Variants in PDCL2 observed in about 807,000 individuals in gnomAD.
The protein encoded by PDCL2 is phosducin-like protein 2.
Under a neutral mutation model 30.3 loss-of-function variants are expected in PDCL2, and 23 were observed. That is an observed-to-expected ratio of 0.76 (90% CI 0.55 to 1.08). The LOEUF (loss-of-function observed/expected upper bound fraction) is 1.08, where lower values mean the gene tolerates loss of function less well. Among genes scored for constraint, PDCL2 ranks in the 50% least tolerant of loss-of-function variants. The pLI, the probability that PDCL2 is intolerant of heterozygous loss-of-function variation, is 0.00. For synonymous variants in PDCL2, 68 were observed against 86.2 expected, an observed-to-expected ratio of 0.79 and a Z score of 1.17; for missense variants, 243 against 282.3, an observed-to-expected ratio of 0.86 and a Z score of 1.00.
intron 3 of PDCL2, among the ~76,000 whole-genome samples, chr4:55,577,925 T>C (rs1244756465): frequency 8.5e-5 from 13 of 152,192 alleles, no homozygotes; most frequent in African/African-American, 3.1e-4. Context: ...AACTAGATAT[T>C]TGAATCCTAT....
In PDCL2 at chr4:55,562,280, G is replaced by T. The variant is rs543454195; in HGVS notation, c.571+124C>A. On this transcript the variant is annotated intron_variant, in intron 5 of 5. Transcript: ENST00000295645. The stretch of plus-strand genomic sequence containing the variant: ...TTACTATAGGAAAATTAATCTGGAG[G>T]CATATAAAAAGAGACTAGAAGCAAG... The T allele has an allele frequency of 4.2e-5, 21 of 496,000 alleles. No individual in the cohort carries two copies. The South Asian group carries it at 1.2e-3, about 29-fold the overall frequency. The allele number at this position is 496,000 out of a possible 1,614,324, so 30.7% of individuals were successfully genotyped here. A position where few individuals can be genotyped will look rare whatever the true frequency, so the allele number is the denominator to read the frequency against.
chr4:55,579,802 T>A (rs1732664488), intron 3 of PDCL2, among the ~76,000 whole-genome samples: 1 of 152,034 alleles, frequency 6.6e-6, no homozygotes, highest in African/African-American at 2.4e-5. Context: ...AAGTCTGAGA[T>A]TACAGGCATG....
intron 1 of PDCL2, among the ~76,000 whole-genome samples, chr4:55,587,912 T>C (rs1732903962): frequency 6.9e-6 from 1 of 145,180 alleles, no homozygotes; most frequent in Non-Finnish European, 1.5e-5. Context: ...GTTTTAAATT[T>C]GGTAAAGTAC....
At chr4:55,591,576 G>A (rs577489507) in intron 1 of PDCL2, among the ~76,000 whole-genome samples, 1 of 152,246 alleles carries the variant, frequency 6.6e-6, no homozygotes, top group East Asian at 1.9e-4. Context: ...TAGTAGAGAT[G>A]GGGTTTCACC....
chr4:55,581,426 A>G (rs1732710332), intron 2 of PDCL2, among the ~76,000 whole-genome samples: 1 of 152,194 alleles, frequency 6.6e-6, no homozygotes, highest in Admixed American at 6.5e-5. Context: ...GACAGGCTAC[A>G]TTTAAAACTA....
At chr4:55,590,176 G>A (rs554761127) in intron 1 of PDCL2, among the ~76,000 whole-genome samples, 41 of 105,132 alleles carry the variant, frequency 3.9e-4, no homozygotes, top group African/African-American at 1.5e-3. Context: ...CAGCCTGGAT[G>A]ACAGAGCTAG....
In PDCL2 at chr4:55,582,210, C is replaced by A. The variant is rs748175663; in HGVS notation, c.34G>T (p.Asp12Tyr). ...QDPNEDTEWN[D>Y]ILRDFGILPP... The stretch of plus-strand genomic sequence containing the variant: ...AGAATGCCGAAATCTCTTAAAATGT[C>A]ATTCCATTCTGTATCTTCATTGGGA... Residue 12 changes from aspartate to tyrosine, a missense_variant, in exon 2 of 6, where the codon GAC becomes TAC. Physicochemically the swap from Asp to Tyr is radical, Grantham distance 160. Transcript: ENST00000295645. 6.2e-7 allele frequency: 1 copy of A among 1,610,544 alleles called. No individual in the cohort carries two copies. The highest frequency in any genetic ancestry group is 2.2e-5 in the East Asian group (1 of 44,828).
chr4:55,560,763 G>C (rs1441192789), intron 5 of PDCL2, among the ~76,000 whole-genome samples: 1 of 152,142 alleles, frequency 6.6e-6, no homozygotes, highest in African/African-American at 2.4e-5. Context: ...GGGACTTTGG[G>C]AGTGGTTAGA....
intron 1 of PDCL2, among the ~76,000 whole-genome samples, chr4:55,587,628 G>A (rs758153350): frequency 3.3e-5 from 5 of 150,672 alleles, no homozygotes; most frequent in Non-Finnish European, 7.4e-5. Context: ...GAGCAATCTC[G>A]GCTCACTGAG....
chr4:55,561,461 G>A (rs1235786738), intron 5 of PDCL2, among the ~76,000 whole-genome samples: 1 of 152,128 alleles, frequency 6.6e-6, no homozygotes, highest in Non-Finnish European at 1.5e-5. Flanking sequence ...TACTCGGGAG[G>A]CTGAGGCAGG....
intron 3 of PDCL2, among the ~76,000 whole-genome samples, chr4:55,578,056 T>G (rs189655992): frequency 9.9e-4 from 151 of 152,352 alleles, no homozygotes; most frequent in African/African-American, 3.4e-3. Flanking sequence ...CTTTAAGGTC[T>G]TCTCAGGTAT....
At chr4:55,572,769 T>C (rs1040516974) in intron 3 of PDCL2, among the ~76,000 whole-genome samples, 2 of 152,180 alleles carry the variant, frequency 1.3e-5, no homozygotes, top group Non-Finnish European at 2.9e-5. Context: ...TCTTCTTCTT[T>C]TTTTTCTTTG....
chr4:55,581,950 G>A (rs757663445), intron 2 of PDCL2, among the ~76,000 whole-genome samples, 167 bp downstream of exon 2: 5 of 152,160 alleles, frequency 3.3e-5, no homozygotes, highest in African/African-American at 1.2e-4. Context: ...CTCGTGATCC[G>A]CTGGCCTCAG....
intron 3 of PDCL2, among the ~76,000 whole-genome samples, chr4:55,575,836 A>C (rs1577913120): frequency 6.6e-6 from 1 of 152,244 alleles, no homozygotes; most frequent in Non-Finnish European, 1.5e-5. Flanking sequence ...ACTATGCTTC[A>C]AGAATGAGGG....
intron 3 of PDCL2, among the ~76,000 whole-genome samples, chr4:55,573,089 T>G (rs541624911): frequency 6.6e-6 from 1 of 152,332 alleles, no homozygotes; most frequent in East Asian, 1.9e-4. Context: ...CACTTAATTC[T>G]GAATTCAAAT....
chr4:55,589,150 C>T (rs1353862649), intron 1 of PDCL2, among the ~76,000 whole-genome samples: 4 of 152,160 alleles, frequency 2.6e-5, no homozygotes, highest in Admixed American at 6.5e-5. Flanking sequence ...TGAGCCACCG[C>T]GCCCAGCCAG....
intron 5 of PDCL2, among the ~76,000 whole-genome samples, chr4:55,559,459 T>C (rs554032403): frequency 1.3e-5 from 2 of 152,160 alleles, no homozygotes; most frequent in South Asian, 2.1e-4. Context: ...AATACTATGG[T>C]TGAGATTTTT....
chr4:55,588,567 C>T (rs1457905709), intron 1 of PDCL2, among the ~76,000 whole-genome samples: 1 of 152,192 alleles, frequency 6.6e-6, no homozygotes, highest in Non-Finnish European at 1.5e-5. Flanking sequence ...TCATCAGGAC[C>T]TCTTAAGGCT....
At chr4:55,573,290 T>C (rs1038442632) in intron 3 of PDCL2, among the ~76,000 whole-genome samples, 2 of 152,212 alleles carry the variant, frequency 1.3e-5, no homozygotes, top group African/African-American at 4.8e-5. Flanking sequence ...GTGTATAAAT[T>C]TTTTTCATCT....
Sources: gnomAD v4.1 joint callset for allele counts (sites outside exome capture counted in the v4.1 genomes callset) on GRCh38, gnomAD v4.1.1 for gene constraint, MANE v1.5 for transcripts, NCBI Gene and HGNC (gene_info 2026-07-23, HGNC 2026-07-21) for gene names.